The following GMDS variants were observed in gnomAD, a reference collection of about 807,000 sequenced individuals.
The protein encoded by GMDS is GDP-mannose 4,6 dehydratase.
GMDS carries 20 observed loss-of-function variants against 49.9 expected under a neutral mutation model. The ratio of observed to expected loss-of-function variants is 0.40; its 90% CI spans 0.28 to 0.58. GMDS has a LOEUF of 0.58. Among genes scored for constraint, GMDS ranks in the 20% least tolerant of loss-of-function variants. The pLI, the probability that GMDS is intolerant of heterozygous loss-of-function variation, is 0.42. For synonymous variants in GMDS, 177 were observed against 178.6 expected (o/e 0.99, Z 0.07); for missense variants, 362 against 481.4 (o/e 0.75, Z 2.32).
intron 7 of GMDS, among the ~76,000 whole-genome samples, chr6:1,849,941 T>G (rs1296675688): frequency 6.6e-6 from 1 of 152,238 alleles, no homozygotes; most frequent in African/African-American, 2.4e-5. Context: ...AAGTTCGTTT[T>G]TCAAAATAAG....
At chr6:2,120,916 C>A (rs1775104429) in intron 2 of GMDS, among the ~76,000 whole-genome samples, 1 of 152,196 alleles carries the variant, frequency 6.6e-6, no homozygotes, top group Non-Finnish European at 1.5e-5. Context: ...CCACATTAGA[C>A]CCCATGTCAC....
chr6:1,724,644 A>G (rs1185928490), intron 9 of GMDS, among the ~76,000 whole-genome samples: 2 of 152,252 alleles, frequency 1.3e-5, no homozygotes, highest in Non-Finnish European at 2.9e-5. Flanking sequence ...AAGCATTTGC[A>G]TAAATATGTG....
intron 4 of GMDS, among the ~76,000 whole-genome samples, chr6:2,098,423 T>C (rs1773735499): frequency 1.3e-5 from 2 of 152,234 alleles, no homozygotes; most frequent in South Asian, 4.1e-4. Context: ...AGTAATCTAC[T>C]TGAAATATTT....
chr6:1,956,027 C>T (rs1763617861), intron 6 of GMDS, among the ~76,000 whole-genome samples: 1 of 152,194 alleles, frequency 6.6e-6, no homozygotes, highest in Admixed American at 6.5e-5. Context: ...TGAAGTACAA[C>T]AGAACCCCAA....
At chr6:2,045,034 T>C (rs1390338622) in intron 4 of GMDS, among the ~76,000 whole-genome samples, 1 of 152,196 alleles carries the variant, frequency 6.6e-6, no homozygotes, top group South Asian at 2.1e-4. Context: ...AAAAAGAGCC[T>C]TTCAGAACTT....
rs3800134 is a variant in GMDS at position 1,920,568 on chromosome 6, T to G, written c.771+9535A>C. ...GTGCATGAGTATAAAGATGAAGCACTGAATATTGAAGATATAAGCAAAATC... is the reference window on the plus strand; with the variant it reads ...GTGCATGAGTATAAAGATGAAGCACGGAATATTGAAGATATAAGCAAAATC... On this transcript the variant is annotated intron_variant, in intron 7 of 10. Coordinates refer to ENST00000380815, the MANE Select transcript of GMDS (RefSeq NM_001500.4). 7.2e-5 allele frequency among the ~76,000 whole-genome samples: 11 copies of G among 152,348 alleles called. No homozygotes were observed. The East Asian group carries it at 2.1e-3, about 29-fold the overall frequency.
chr6:1,790,043 T>C (rs1020639509), intron 7 of GMDS, among the ~76,000 whole-genome samples: 3 of 152,224 alleles, frequency 2.0e-5, no homozygotes, highest in Non-Finnish European at 4.4e-5. Flanking sequence ...ATATATGACA[T>C]TGCATTTATT....
intron 9 of GMDS, among the ~76,000 whole-genome samples, chr6:1,642,795 C>T (rs554117857): frequency 4.6e-5 from 7 of 152,312 alleles, no homozygotes; most frequent in Admixed American, 2.0e-4. Flanking sequence ...TGGGCCTGGA[C>T]GGTCTGTCTC....
intron 4 of GMDS, among the ~76,000 whole-genome samples, chr6:2,063,948 T>G (rs1423620047): frequency 6.6e-6 from 1 of 152,212 alleles, no homozygotes; most frequent in African/African-American, 2.4e-5. Flanking sequence ...TAGTCAAAAA[T>G]AGTCATGAAT....
intron 9 of GMDS, among the ~76,000 whole-genome samples, chr6:1,687,771 G>A (rs1765029910): frequency 6.6e-6 from 1 of 152,092 alleles, no homozygotes; most frequent in Non-Finnish European, 1.5e-5. Flanking sequence ...TAACTTTCTG[G>A]GGGAGGAGCA....
chr6:2,123,717 C>T (rs1775267025), intron 2 of GMDS, among the ~76,000 whole-genome samples: 1 of 152,206 alleles, frequency 6.6e-6, no homozygotes, highest in Non-Finnish European at 1.5e-5. Context: ...TACATATGTA[C>T]TTTCATAATT....
chr6:1,976,730 T>G (rs1352043086), intron 4 of GMDS, among the ~76,000 whole-genome samples: 1 of 152,250 alleles, frequency 6.6e-6, no homozygotes, highest in Non-Finnish European at 1.5e-5. Flanking sequence ...TAAACATTAC[T>G]TTAAAACTAG....
Position 1,726,516 on chromosome 6 carries a change from TA to T in GMDS, c.891-5del. 6.3e-7 allele frequency: 1 copy of T among 1,592,678 alleles called. No homozygotes were observed. The highest frequency in any genetic ancestry group is 8.6e-7 in the Non-Finnish European group (1 of 1,160,380). On this transcript the variant is annotated splice_polypyrimidine_tract_variant and splice_region_variant and intron_variant, in intron 8 of 10. Coordinates refer to ENST00000380815, the MANE Select transcript of GMDS (RefSeq NM_001500.4). ...ATTTTCATTCTTTCCTTCCCACCTG[TA>T]AGGAAGATAAACACTGAATCAGCTC...
chr6:2,108,408 C>G (rs972551800), intron 4 of GMDS, among the ~76,000 whole-genome samples: 15 of 151,932 alleles, frequency 9.9e-5, no homozygotes, highest in African/African-American at 3.6e-4. Context: ...ACTACCCTAA[C>G]CAAAAAGATG....
intron 9 of GMDS, among the ~76,000 whole-genome samples, chr6:1,684,016 C>T (rs537345473): frequency 4.5e-5 from 3 of 67,054 alleles, no homozygotes; most frequent in South Asian, 4.1e-4. Flanking sequence ...GTTTTGCCAT[C>T]GGGAGGCCTG....
chr6:1,711,018 G>T (rs1444271706), intron 9 of GMDS, among the ~76,000 whole-genome samples: 1 of 152,216 alleles, frequency 6.6e-6, no homozygotes, highest in Admixed American at 6.5e-5. Flanking sequence ...GAAAGGAGCC[G>T]GACCTGGCAG....
chr6:2,095,883 G>T (rs1272916889), intron 4 of GMDS, among the ~76,000 whole-genome samples: 1 of 152,040 alleles, frequency 6.6e-6, no homozygotes, highest in Non-Finnish European at 1.5e-5. Flanking sequence ...GAATTCTCAA[G>T]TCCCCTCAAA....
chr6:1,999,996 T>TG lies in GMDS; in HGVS notation c.346-39031_346-39030insC, dbSNP rs1255621997. Among the ~76,000 whole-genome samples, 5 of 10,444 alleles carry TG rather than the reference T, an allele frequency of 4.8e-4. 1 individual carries two copies. Among genetic ancestry groups the TG allele is most frequent in the African/African-American group, 7.3e-4 (3 of 4,122 alleles). The allele number at this position is 10,444 out of a possible 152,430, so 6.9% of individuals were successfully genotyped here. ...TATATATATATTTTATATATATATA[T>TG]TATATATATATATTTTTTATATATA... On this transcript the variant is annotated intron_variant, in intron 4 of 10. Transcript: ENST00000380815.
At chr6:2,175,353 T>C (rs760471911) in intron 1 of GMDS, among the ~76,000 whole-genome samples, 40 of 152,146 alleles carry the variant, frequency 2.6e-4, no homozygotes, top group South Asian at 4.2e-4. Flanking sequence ...AACAAAAATA[T>C]GGTTCCTGTC....
Sources: gnomAD v4.1 joint callset for allele counts (sites outside exome capture counted in the v4.1 genomes callset) on GRCh38, gnomAD v4.1.1 for gene constraint, MANE v1.5 for transcripts, NCBI Gene and HGNC (gene_info 2026-07-23, HGNC 2026-07-21) for gene names.